TAS2R1: variants seen among roughly 807,000 people sequenced by gnomAD.
The protein encoded by TAS2R1 is taste 2 receptor member 1, also known as taste receptor type 2 member 1.
For synonymous variants in TAS2R1, 141 were observed against 134.2 expected (o/e 1.05, Z -0.35); for missense variants, 370 against 353.4 (o/e 1.05, Z -0.38).
the TAS2R1 span, among the ~76,000 whole-genome samples, chr5:9,838,090 G>A: frequency 0.059 from 9,040 of 152,236 alleles, 636 homozygotes; most frequent in East Asian, 0.23. Flanking sequence ...AACCCCCCCA[G>A]GGCAGGAGTC....
chr5:9,836,654 T>C, the TAS2R1 span, among the ~76,000 whole-genome samples: 1 of 152,142 alleles, frequency 6.6e-6, no homozygotes, highest in Non-Finnish European at 1.5e-5. Flanking sequence ...ATATTAAACA[T>C]AGTGAGATAA....
At chr5:9,866,899 C>T in the TAS2R1 span, among the ~76,000 whole-genome samples, 5 of 152,152 alleles carry the variant, frequency 3.3e-5, no homozygotes, top group Non-Finnish European at 5.9e-5. Context: ...CTCTTTGAAG[C>T]CTTCAAATAT....
At chr5:9,894,080 C>G in the TAS2R1 span, among the ~76,000 whole-genome samples, 1 of 152,258 alleles carries the variant, frequency 6.6e-6, no homozygotes, top group African/African-American at 2.4e-5. Flanking sequence ...CCCATGGGCC[C>G]CAATCCAATC....
the TAS2R1 span, among the ~76,000 whole-genome samples, chr5:9,801,874 C>G: frequency 6.6e-6 from 1 of 152,286 alleles, no homozygotes; most frequent in East Asian, 1.9e-4. Context: ...GCAGCCACGG[C>G]AAGCCCTGCC....
intron 2 of TAS2R1, among the ~76,000 whole-genome samples, chr5:9,638,895 G>A (rs1379166650): frequency 1.3e-5 from 2 of 152,078 alleles, no homozygotes; most frequent in Non-Finnish European, 2.9e-5. Flanking sequence ...GTTCACCAGG[G>A]AAGTGGGGGA....
At chr5:9,817,553 G>T in the TAS2R1 span, among the ~76,000 whole-genome samples, 2 of 152,138 alleles carry the variant, frequency 1.3e-5, no homozygotes, top group Admixed American at 1.3e-4. Flanking sequence ...TAGTGGTGAT[G>T]GTTGCATGAT....
chr5:9,706,088 A>G (rs940955016), intron 1 of TAS2R1, among the ~76,000 whole-genome samples: 8 of 152,182 alleles, frequency 5.3e-5, no homozygotes, highest in African/African-American at 1.9e-4. Context: ...AAATAAATAC[A>G]ATGTTCTGAT....
the TAS2R1 span, among the ~76,000 whole-genome samples, chr5:9,902,936 T>C: frequency 3.3e-5 from 5 of 152,040 alleles, no homozygotes; most frequent in East Asian, 9.7e-4. Context: ...ATATATCAGA[T>C]AATTCTTTTT....
the TAS2R1 span, among the ~76,000 whole-genome samples, chr5:9,757,588 A>G: frequency 1.3e-5 from 2 of 152,204 alleles, no homozygotes; most frequent in African/African-American, 4.8e-5. Flanking sequence ...AGCATGTAGA[A>G]TTATAAAACT....
At chr5:9,814,366 G>A in the TAS2R1 span, among the ~76,000 whole-genome samples, 3 of 152,190 alleles carry the variant, frequency 2.0e-5, no homozygotes, top group East Asian at 5.8e-4. Context: ...AAAGTCCATG[G>A]CAAGAATGTT....
At chr5:9,639,279 T>C (rs1433591259) in intron 2 of TAS2R1, among the ~76,000 whole-genome samples, 1 of 152,190 alleles carries the variant, frequency 6.6e-6, no homozygotes, top group Non-Finnish European at 1.5e-5. Context: ...AGCTGGAGAC[T>C]GGGAGTGCAT....
intron 1 of TAS2R1, among the ~76,000 whole-genome samples, chr5:9,704,401 A>G (rs1461114728): frequency 2.6e-5 from 4 of 152,238 alleles, no homozygotes; most frequent in Non-Finnish European, 4.4e-5. Context: ...CTAATTTAGT[A>G]ACATGAAATA....
the TAS2R1 span, among the ~76,000 whole-genome samples, chr5:9,855,733 G>T: frequency 1.3e-5 from 2 of 152,214 alleles, no homozygotes; most frequent in African/African-American, 4.8e-5. Context: ...ACTGAGCCCT[G>T]CTTCTGATAT....
At chr5:9,720,602 G>A in the TAS2R1 span, among the ~76,000 whole-genome samples, 2 of 152,212 alleles carry the variant, frequency 1.3e-5, no homozygotes, top group Admixed American at 1.3e-4. Context: ...GAGAGTGACT[G>A]CAGGAAAGGG....
At chr5:9,829,734 A>G in the TAS2R1 span, among the ~76,000 whole-genome samples, 2 of 152,186 alleles carry the variant, frequency 1.3e-5, no homozygotes, top group African/African-American at 4.8e-5. Context: ...CTCCAGAATA[A>G]TGAGTCATGG....
intron 1 of TAS2R1, among the ~76,000 whole-genome samples, chr5:9,678,789 G>C (rs1051583699): frequency 1.3e-5 from 2 of 152,116 alleles, no homozygotes; most frequent in African/African-American, 4.8e-5. Context: ...TGGGGGGTTT[G>C]GGGGAGGGAG....
At chr5:9,718,775 G>C in the TAS2R1 span, among the ~76,000 whole-genome samples, 2 of 152,180 alleles carry the variant, frequency 1.3e-5, no homozygotes, top group Non-Finnish European at 2.9e-5. Flanking sequence ...CTTCTATGCA[G>C]TGGGATGGCC....
the TAS2R1 span, among the ~76,000 whole-genome samples, chr5:9,846,148 C>T: frequency 6.6e-6 from 1 of 151,984 alleles, no homozygotes; most frequent in Admixed American, 6.6e-5. Flanking sequence ...AAGCTATTTC[C>T]GATGAAGGGC....
chr5:9,761,498 T>A, the TAS2R1 span, among the ~76,000 whole-genome samples: 2 of 151,920 alleles, frequency 1.3e-5, no homozygotes, highest in Non-Finnish European at 2.9e-5. Flanking sequence ...AAGACTTAAA[T>A]CTTTACTCCA....
Sources: allele counts gnomAD v4.1 joint callset (sites outside exome capture counted in the v4.1 genomes callset), GRCh38; gene constraint gnomAD v4.1.1; transcripts MANE v1.5; gene names NCBI Gene and HGNC (gene_info 2026-07-23, HGNC 2026-07-21).